NKAIN3: variants seen among roughly 807,000 people sequenced by gnomAD.
The protein encoded by NKAIN3 is sodium/potassium transporting ATPase interacting 3.
NKAIN3 carries 25 observed loss-of-function variants against 30.2 expected under a neutral mutation model. The observed-to-expected ratio is 0.83, with a 90% CI of 0.60 to 1.16. The LOEUF (loss-of-function observed/expected upper bound fraction) is 1.16. Ranked by LOEUF, NKAIN3 falls within the 50% of genes most tolerant of loss-of-function variation. The pLI, the probability that NKAIN3 is intolerant of heterozygous loss-of-function variation, is 0.00. For synonymous variants in NKAIN3, 91 were observed against 89.6 expected, an observed-to-expected ratio of 1.02 and a Z score of -0.09; for missense variants, 225 against 254.1, an observed-to-expected ratio of 0.89 and a Z score of 0.78.
intron 3 of NKAIN3, among the ~76,000 whole-genome samples, chr8:62,737,014 C>T (rs1815695713): frequency 6.6e-6 from 1 of 152,226 alleles, no homozygotes; most frequent in Non-Finnish European, 1.5e-5. Flanking sequence ...GGACATCCCT[C>T]TTCCACCCAT....
intron 3 of NKAIN3, among the ~76,000 whole-genome samples, chr8:62,595,386 T>C (rs1316612884): frequency 5.8e-4 from 68 of 117,586 alleles, no homozygotes; most frequent in South Asian, 9.3e-4. Context: ...TATTTTCTTT[T>C]TTTTTTTTTT....
chr8:62,598,076 T>G (rs562298356), intron 3 of NKAIN3, among the ~76,000 whole-genome samples: 8 of 152,102 alleles, frequency 5.3e-5, no homozygotes, highest in African/African-American at 1.9e-4. Context: ...TGACAAAAAT[T>G]ATTTTTTCAG....
chr8:62,781,871 A>C (rs1360330412), intron 4 of NKAIN3, among the ~76,000 whole-genome samples: 2 of 151,968 alleles, frequency 1.3e-5, no homozygotes, highest in Admixed American at 1.3e-4. Context: ...AACTCTTTGA[A>C]ACATTGCTCT....
chr8:62,747,086 A>G lies in NKAIN3; in HGVS notation c.428A>G (p.Gln143Arg). Residue 143 changes from glutamine (Q) to arginine (R), a missense_variant, in exon 4 of 7, where the codon CAG (glutamine) becomes CGG (arginine). Physicochemically the swap from Gln to Arg is conservative, Grantham distance 43. Transcript: ENST00000623646. ...GTCACAGGCTGCATCGTTGACTTCC[A>G]GTACCTGGAGGTCATCCACAGTGCT... is the stretch of plus-strand genomic sequence containing the variant. Reference protein sequence around the residue: ...VSVTGCIVDFQYLEVIHSAVQ... With the variant: ...VSVTGCIVDFRYLEVIHSAVQ... The G allele has an allele frequency of 6.2e-7, 1 of 1,613,438 alleles. No homozygotes were observed. The highest frequency in any genetic ancestry group is 8.5e-7 in the Non-Finnish European group (1 of 1,179,396).
At chr8:62,601,343 A>G (rs986661281) in intron 3 of NKAIN3, among the ~76,000 whole-genome samples, 1 of 152,038 alleles carries the variant, frequency 6.6e-6, no homozygotes, top group Admixed American at 6.6e-5. Flanking sequence ...GGTAGGGTAC[A>G]GAATATCTAT....
chr8:62,613,640 G>A lies in NKAIN3; in HGVS notation c.273+23846G>A, dbSNP rs137943127. Among the ~76,000 whole-genome samples the A allele has an allele frequency of 6.1e-3, 927 of 152,038 alleles. 8 individuals carry two copies. Among genetic ancestry groups the A allele is most frequent in the Middle Eastern group, 0.031 (9 of 294 alleles). On this transcript the variant is annotated intron_variant, in intron 3 of 6. Transcript: ENST00000623646. ...GTCTCTTTCTCTACTTGCTCTTTAA[G>A]GCCAGTGACTTAGATTTTCCCTTTT...
In NKAIN3 at chr8:62,261,496, G is replaced by A. The variant is rs568454267; in HGVS notation, c.54+12369G>A. Among the ~76,000 whole-genome samples the A allele has an allele frequency of 6.2e-4, 95 of 152,294 alleles. 1 individual carries two copies. The highest frequency in any genetic ancestry group is 2.1e-4 in the Non-Finnish European group (14 of 68,016). On this transcript the variant is annotated intron_variant, in intron 1 of 6. Transcript: ENST00000623646. ...AATGAGTGTTGATTAGTTCCCATGA[G>A]GAAAGCTGGACTTACTCCAACACCC...
At chr8:62,627,734 A>G (rs1222437289) in intron 3 of NKAIN3, among the ~76,000 whole-genome samples, 1 of 152,104 alleles carries the variant, frequency 6.6e-6, no homozygotes, top group Non-Finnish European at 1.5e-5. Context: ...GAGGACAAGA[A>G]ATACACTTTT....
chr8:62,568,283 G>A (rs573280184), intron 1 of NKAIN3, among the ~76,000 whole-genome samples: 127 of 152,180 alleles, frequency 8.3e-4, no homozygotes, highest in Non-Finnish European at 1.5e-3. Context: ...CCAGCTCTGA[G>A]TTTAATTAGT....
At chr8:62,491,947 C>A (rs1370978401) in intron 1 of NKAIN3, among the ~76,000 whole-genome samples, 1 of 152,038 alleles carries the variant, frequency 6.6e-6, no homozygotes, top group Non-Finnish European at 1.5e-5. Flanking sequence ...CAGTAATGTC[C>A]GTTGTTCCTG....
At chr8:62,614,099 C>A (rs1811373766) in intron 3 of NKAIN3, among the ~76,000 whole-genome samples, 1 of 151,948 alleles carries the variant, frequency 6.6e-6, no homozygotes, top group Non-Finnish European at 1.5e-5. Flanking sequence ...AGTATCTGGC[C>A]ATTGAGGAGT....
At chr8:62,829,738 TA>T (rs1252847328) in intron 4 of NKAIN3, among the ~76,000 whole-genome samples, 5 of 101,706 alleles carry the variant, frequency 4.9e-5, no homozygotes, top group African/African-American at 1.1e-4. Flanking sequence ...ACTAGATAGA[TA>T]GATGATAGAT....
rs916331329 is a variant in NKAIN3, at chr8:62,844,842, C to A, written c.472-73611C>A. ...AATGCACTGCCAGGACTATCGGGGG[C>A]AGAAATATTGAGCCTGGGCAGTCGA... On this transcript the variant is annotated intron_variant, in intron 4 of 6. Transcript: ENST00000623646. Among the ~76,000 whole-genome samples the A allele has an allele frequency of 1.3e-4, 19 of 151,986 alleles. 1 individual carries two copies. The highest frequency in any genetic ancestry group is 1.2e-3 in the Admixed American group (19 of 15,238).
At chr8:62,599,923 G>T (rs2130142333) in intron 3 of NKAIN3, among the ~76,000 whole-genome samples, 1 of 151,970 alleles carries the variant, frequency 6.6e-6, no homozygotes, top group South Asian at 2.1e-4. Flanking sequence ...CTGCTTGTTT[G>T]GAAGTTACAA....
At chr8:62,842,598 G>C (rs190191386) in intron 4 of NKAIN3, among the ~76,000 whole-genome samples, 201 of 152,182 alleles carry the variant, frequency 1.3e-3, no homozygotes, top group African/African-American at 4.7e-3. Flanking sequence ...CATACTACCT[G>C]ATTTCAAAAT....
intron 1 of NKAIN3, among the ~76,000 whole-genome samples, chr8:62,295,571 A>G (rs531078222): frequency 7.9e-5 from 12 of 152,148 alleles, no homozygotes; most frequent in Non-Finnish European, 1.8e-4. Flanking sequence ...TTTGAGGCTT[A>G]TTTATATATA....
chr8:62,541,267 A>C (rs1177206791), intron 1 of NKAIN3, among the ~76,000 whole-genome samples: 2 of 152,144 alleles, frequency 1.3e-5, no homozygotes, highest in Non-Finnish European at 2.9e-5. Flanking sequence ...GCAGTAAGTC[A>C]AGATCTCACC....
At chr8:62,888,950 T>C (rs1821223198) in intron 4 of NKAIN3, among the ~76,000 whole-genome samples, 1 of 152,130 alleles carries the variant, frequency 6.6e-6, no homozygotes, top group Admixed American at 6.5e-5. Context: ...ATTTGAGAGG[T>C]TCCAAAGAAT....
chr8:62,907,691 G>T (rs1042534724), intron 4 of NKAIN3, among the ~76,000 whole-genome samples: 2 of 152,166 alleles, frequency 1.3e-5, no homozygotes, highest in Non-Finnish European at 2.9e-5. Context: ...CCCTAGCCTT[G>T]GCAGCATACA....
Sources: gnomAD v4.1 joint callset for allele counts (sites outside exome capture counted in the v4.1 genomes callset) on GRCh38, gnomAD v4.1.1 for gene constraint, MANE v1.5 for transcripts, NCBI Gene and HGNC (gene_info 2026-07-23, HGNC 2026-07-21) for gene names.